Variants in CDH4 observed in about 807,000 individuals in gnomAD.
The protein encoded by CDH4 is cadherin-4.
Under a neutral mutation model 86.0 loss-of-function variants are expected in CDH4, and 33 were observed. That is an observed-to-expected ratio of 0.38 (90% confidence interval 0.29 to 0.51). CDH4 has a LOEUF of 0.51. Ranked by LOEUF, CDH4 falls within the 20% of genes least tolerant of loss-of-function variation. CDH4 has a pLI of 0.86. For synonymous variants in CDH4, 555 were observed against 549.4 expected (o/e 1.01, Z -0.14); for missense variants, 1,114 against 1,307.4 (o/e 0.85, Z 2.28).
chr20:61,303,973 G>T (rs1332688668), intron 2 of CDH4, among the ~76,000 whole-genome samples: 1 of 152,152 alleles, frequency 6.6e-6, no homozygotes, highest in African/African-American at 2.4e-5. Flanking sequence ...ACCTGGGGCT[G>T]TTCTTCTGAA....
chr20:61,504,743 T>C (rs1469718979), intron 2 of CDH4, among the ~76,000 whole-genome samples: 1 of 152,198 alleles, frequency 6.6e-6, no homozygotes, highest in Non-Finnish European at 1.5e-5. Flanking sequence ...TGGCCTAAAT[T>C]GGTACCAGAA....
intron 8 of CDH4, 54 bp from the exon 9 acceptor site, chr20:61,910,368 G>A: frequency 6.6e-7 from 1 of 1,511,560 alleles, no homozygotes; most frequent in East Asian, 2.3e-5. Flanking sequence ...GCACTTCTCT[G>A]TGCATATTTA....
intron 2 of CDH4, among the ~76,000 whole-genome samples, chr20:61,364,855 C>T (rs774438746): frequency 7.2e-5 from 11 of 152,198 alleles, no homozygotes; most frequent in Admixed American, 1.3e-4. Flanking sequence ...CGGCCCCCGA[C>T]GAGCAGTGGT....
chr20:61,860,153 G>A (rs1203101773), intron 6 of CDH4, among the ~76,000 whole-genome samples: 1 of 152,228 alleles, frequency 6.6e-6, no homozygotes, highest in African/African-American at 2.4e-5. Context: ...CATATTAACA[G>A]CAACTTAATA....
intron 2 of CDH4, among the ~76,000 whole-genome samples, chr20:61,351,174 C>G (rs545288878): frequency 4.6e-5 from 7 of 152,184 alleles, no homozygotes; most frequent in African/African-American, 9.7e-5. Flanking sequence ...CTCTGCCTCC[C>G]TGGATCAACC....
Position 61,754,260 on chromosome 20 carries a change from C to A in CDH4, c.396+10471C>A, listed in dbSNP as rs374828403. 1.3e-5 allele frequency among the ~76,000 whole-genome samples: 2 copies of A among 152,284 alleles called. No homozygotes were observed. Among genetic ancestry groups the A allele is most frequent in the South Asian group, 2.1e-4 (1 of 4,822 alleles). The stretch of plus-strand genomic sequence containing the variant: ...GGCTTGTGGACCAGAGCCTTTCAGC[C>A]GAGGTGGAGACTCAGATGGCAGAGT... On this transcript the variant is annotated intron_variant, in intron 3 of 15. Coordinates refer to ENST00000614565, the MANE Select transcript of CDH4 (RefSeq NM_001794.5). The surrounding 1 kb of genome is among the most constrained non-coding windows in gnomAD (Gnocchi z 4.7).
chr20:61,296,292 T>C (rs560954769), intron 2 of CDH4, among the ~76,000 whole-genome samples: 11 of 143,422 alleles, frequency 7.7e-5, no homozygotes, highest in African/African-American at 2.0e-4. Flanking sequence ...TGCGTGTGTG[T>C]GTGTGCGTGG....
At position 61,252,583 on chromosome 20, in the gene CDH4, C is replaced by T; in HGVS notation, c.57+13C>T. ...CGGCGCGCTCCGGGTAAGTTGCCGC[C>T]TCCCGCCCCCGCCGTTCGGAAGCCC... On this transcript the variant is annotated intron_variant, in intron 1 of 15. Transcript: ENST00000614565. The surrounding 1 kb of genome is among the most constrained non-coding windows in gnomAD (Gnocchi z 4.4). The T allele has an allele frequency of 2.5e-6, 3 of 1,202,744 alleles. No homozygotes were observed. Among genetic ancestry groups the T allele is most frequent in the Non-Finnish European group, 3.1e-6 (3 of 968,594 alleles). 74.5% of individuals were successfully genotyped at this position (1,202,744 alleles called of 1,614,324 possible).
chr20:61,626,062 A>T (rs2086827255), intron 2 of CDH4, among the ~76,000 whole-genome samples: 1 of 152,228 alleles, frequency 6.6e-6, no homozygotes, highest in Admixed American at 6.5e-5. Context: ...AGCCCCTGCA[A>T]TATTTGAGCA....
chr20:61,769,474 T>C, intron 3 of CDH4, among the ~76,000 whole-genome samples: 1 of 152,142 alleles, frequency 6.6e-6, no homozygotes. Flanking sequence ...GGAAGATCGA[T>C]TTCCGCCCAG....
chr20:61,294,917 C>T (rs528210598), intron 2 of CDH4, among the ~76,000 whole-genome samples: 52 of 152,332 alleles, frequency 3.4e-4, no homozygotes, highest in Admixed American at 9.8e-4. Context: ...ATCCCAAACC[C>T]CACCCGAGCT....
At chr20:61,920,121 C>T (rs1462163934) in intron 9 of CDH4, among the ~76,000 whole-genome samples, 1 of 3,028 alleles carries the variant, frequency 3.3e-4, no homozygotes, top group African/African-American at 1.2e-3. Context: ...AAGCGTGTCA[C>T]GGTGATTGCG....
intron 2 of CDH4, among the ~76,000 whole-genome samples, chr20:61,659,442 T>A (rs2087227567): frequency 6.6e-6 from 1 of 152,022 alleles, no homozygotes; most frequent in South Asian, 2.1e-4. Flanking sequence ...TGGGGAGGGG[T>A]CTGCTCAGTG....
chr20:61,920,732 GTGGTGTGGTGATTGCATGGAAGCA>G (rs1157419398), intron 9 of CDH4, among the ~76,000 whole-genome samples: 3 of 150,338 alleles, frequency 2.0e-5, no homozygotes, highest in Non-Finnish European at 4.4e-5. Context: ...GCATGGAAGC[GTGGTGTGGTGATTGCATGGAAGCA>G]TGGTGTCACA....
chr20:61,727,789 G>A (rs6089496), intron 2 of CDH4, among the ~76,000 whole-genome samples: 50,184 of 152,030 alleles, frequency 0.33, 9,352 homozygotes, highest in South Asian at 0.44. Context: ...ATGGCACTAG[G>A]GAATTCATGA....
intron 2 of CDH4, among the ~76,000 whole-genome samples, chr20:61,295,585 C>T (rs2084347670): frequency 6.6e-6 from 1 of 151,928 alleles, no homozygotes; most frequent in African/African-American, 2.4e-5. Flanking sequence ...CAGGAAGTTG[C>T]AGACTTGCGA....
intron 2 of CDH4, among the ~76,000 whole-genome samples, chr20:61,528,555 A>T (rs1315288315): frequency 6.6e-6 from 1 of 151,958 alleles, no homozygotes; most frequent in African/African-American, 2.4e-5. Context: ...GGATCACTTA[A>T]GCCCAGGTAT....
intron 2 of CDH4, among the ~76,000 whole-genome samples, chr20:61,547,410 T>C (rs1353337608): frequency 6.6e-6 from 1 of 151,726 alleles, no homozygotes; most frequent in Non-Finnish European, 1.5e-5. Context: ...GAGACGGGGT[T>C]TCACTACATT....
At chr20:61,534,644 CT>C (rs2085980504) in intron 2 of CDH4, among the ~76,000 whole-genome samples, 1 of 105,512 alleles carries the variant, frequency 9.5e-6, no homozygotes, top group Non-Finnish European at 1.8e-5. Flanking sequence ...TCTTTTCTTT[CT>C]TTCTTTTCTT....
Sources: gnomAD v4.1 joint callset for allele counts (sites outside exome capture counted in the v4.1 genomes callset) on GRCh38, gnomAD v4.1.1 for gene constraint, Gnocchi (gnomAD v3.1) non-coding constraint, MANE v1.5 for transcripts, NCBI Gene and HGNC (gene_info 2026-07-23, HGNC 2026-07-21) for gene names.